Variants in KCNMA1 observed in about 807,000 individuals in gnomAD.
KCNMA1 encodes Calcium-activated potassium channel subunit alpha-1.
A neutral mutation model predicts 140.0 loss-of-function variants in KCNMA1; 29 were observed. That is an observed-to-expected ratio of 0.21 (90% CI 0.15 to 0.28). KCNMA1 has a LOEUF of 0.28. Among genes scored for constraint, KCNMA1 ranks in the 10% least tolerant of loss-of-function variants. KCNMA1 has a pLI of 1.00. For synonymous variants in KCNMA1, 612 were observed against 611.9 expected, an observed-to-expected ratio of 1.00 and a Z score of 0.00; for missense variants, 880 against 1,602.2, an observed-to-expected ratio of 0.55 and a Z score of 7.70.
At chr10:77,252,881 A>T (rs1285167093) in intron 2 of KCNMA1, among the ~76,000 whole-genome samples, 7 of 145,150 alleles carry the variant, frequency 4.8e-5, no homozygotes, top group Non-Finnish European at 7.6e-5. Flanking sequence ...TCTGCCATTT[A>T]AAAAAAAAAA....
intron 5 of KCNMA1, among the ~76,000 whole-genome samples, chr10:77,182,444 A>G (rs2098810368): frequency 6.6e-6 from 1 of 152,202 alleles, no homozygotes; most frequent in Non-Finnish European, 1.5e-5. Flanking sequence ...TTCTTATACA[A>G]ACACCACCAT....
At position 77,108,777 on chromosome 10, in the gene KCNMA1, C is replaced by G. The variant is rs1479517941; in HGVS notation, c.1132-205G>C. Among the ~76,000 whole-genome samples the G allele has an allele frequency of 1.3e-5, 2 of 151,918 alleles. No individual in the cohort carries two copies. The highest frequency in any genetic ancestry group is 1.9e-4 in the East Asian group (1 of 5,188). Reference sequence around the variant, plus strand: ...ACACAAGACAAACAAACATTGGCCACCTTGACAACTAAAGAACAAAAAAAA... The same window carrying G: ...ACACAAGACAAACAAACATTGGCCAGCTTGACAACTAAAGAACAAAAAAAA... On this transcript the variant is annotated intron_variant, in intron 8 of 27. Coordinates refer to ENST00000286628, the MANE Select transcript of KCNMA1 (RefSeq NM_001161352.2). The surrounding 1 kb of genome is among the most constrained non-coding windows in gnomAD (Gnocchi z 4.6).
At chr10:76,981,112 T>C (rs1176727698) in intron 19 of KCNMA1, among the ~76,000 whole-genome samples, 1 of 152,162 alleles carries the variant, frequency 6.6e-6, no homozygotes, top group Non-Finnish European at 1.5e-5. Flanking sequence ...TGCTGGGTCC[T>C]TCTCCACACC....
At chr10:76,951,256 C>G (rs1476254173) in intron 21 of KCNMA1, among the ~76,000 whole-genome samples, 1 of 152,132 alleles carries the variant, frequency 6.6e-6, no homozygotes, top group Non-Finnish European at 1.5e-5. Context: ...CCCAGAGAAC[C>G]TTATGAATAT....
intron 16 of KCNMA1, among the ~76,000 whole-genome samples, chr10:77,023,797 C>G (rs2093123039): frequency 6.6e-6 from 1 of 152,126 alleles, no homozygotes; most frequent in African/African-American, 2.4e-5. Flanking sequence ...TGGAGTCCCA[C>G]ACAACTAGAC....
intron 1 of KCNMA1, among the ~76,000 whole-genome samples, chr10:77,540,755 C>T (rs549618021): frequency 3.3e-5 from 5 of 152,274 alleles, no homozygotes; most frequent in African/African-American, 7.2e-5. Context: ...AATCCCAGCA[C>T]TTCGGGAGGC....
chr10:77,155,491 G>A (rs1281262707), intron 5 of KCNMA1, among the ~76,000 whole-genome samples: 3 of 152,076 alleles, frequency 2.0e-5, no homozygotes, highest in African/African-American at 4.8e-5. Context: ...ATGGAGCCGC[G>A]GTTGAAATTT....
chr10:77,599,746 C>A (rs180907963), intron 1 of KCNMA1, among the ~76,000 whole-genome samples: 3 of 152,072 alleles, frequency 2.0e-5, no homozygotes, highest in Admixed American at 1.3e-4. Context: ...TAGAGGTCTG[C>A]AAAACAAGGG....
At chr10:77,594,749 C>T (rs757184117) in intron 1 of KCNMA1, among the ~76,000 whole-genome samples, 2 of 152,250 alleles carry the variant, frequency 1.3e-5, no homozygotes, top group Non-Finnish European at 2.9e-5. Context: ...CAGCCTCCCT[C>T]CAGTTAGATG....
chr10:77,268,758 C>T (rs1444752205), intron 2 of KCNMA1, among the ~76,000 whole-genome samples: 5 of 152,128 alleles, frequency 3.3e-5, no homozygotes, highest in Non-Finnish European at 5.9e-5. Context: ...GGGAGCCCAT[C>T]GCTTATGGCT....
chr10:77,270,999 A>C (rs893511970), intron 2 of KCNMA1, among the ~76,000 whole-genome samples: 1 of 152,218 alleles, frequency 6.6e-6, no homozygotes, highest in Admixed American at 6.5e-5. Flanking sequence ...ATTAATATTA[A>C]AAATTCCTAA....
intron 19 of KCNMA1, chr10:76,977,553 GAA>G (rs1409630371): frequency 2.8e-6 from 2 of 702,790 alleles, no homozygotes; most frequent in African/African-American, 3.5e-5. Flanking sequence ...CTTTGACAGA[GAA>G]AGTTTGCTGA....
At chr10:77,280,710 G>T (rs919694943) in intron 2 of KCNMA1, among the ~76,000 whole-genome samples, 1 of 147,884 alleles carries the variant, frequency 6.8e-6, no homozygotes, top group Non-Finnish European at 1.5e-5. Context: ...TTTTTTTCAG[G>T]TATAGGCAGA....
chr10:77,216,295 T>C (rs2047765361), intron 3 of KCNMA1, among the ~76,000 whole-genome samples: 1 of 152,128 alleles, frequency 6.6e-6, no homozygotes. Context: ...TCTGTGACTA[T>C]ACTAGAAACC....
At chr10:77,292,160 A>G (rs546310552) in intron 2 of KCNMA1, among the ~76,000 whole-genome samples, 192 of 152,312 alleles carry the variant, frequency 1.3e-3, no homozygotes, top group African/African-American at 3.8e-3. Context: ...TCCTCTGGGC[A>G]GGGCAGCAGA....
chr10:77,282,676 C>T (rs1167068785), intron 2 of KCNMA1, among the ~76,000 whole-genome samples: 1 of 152,014 alleles, frequency 6.6e-6, no homozygotes, highest in East Asian at 1.9e-4. Flanking sequence ...ATCTCCCCAG[C>T]CCCCAGCCTC....
At chr10:77,260,327 G>C (rs2061690638) in intron 2 of KCNMA1, among the ~76,000 whole-genome samples, 1 of 152,140 alleles carries the variant, frequency 6.6e-6, no homozygotes, top group Non-Finnish European at 1.5e-5. Context: ...GAGAGAGGAA[G>C]GATTTGGTCG....
intron 2 of KCNMA1, among the ~76,000 whole-genome samples, chr10:77,349,874 T>C (rs1234075348): frequency 8.5e-5 from 13 of 152,202 alleles, no homozygotes; most frequent in Admixed American, 8.5e-4. Context: ...GAGTCTTATG[T>C]AGATCTATTT....
chr10:77,316,546 G>A (rs1258393919), intron 2 of KCNMA1, among the ~76,000 whole-genome samples: 1 of 152,146 alleles, frequency 6.6e-6, no homozygotes, highest in Non-Finnish European at 1.5e-5. Context: ...TCTGATTCAG[G>A]AATCTGCACC....
Sources: allele counts gnomAD v4.1 joint callset (sites outside exome capture counted in the v4.1 genomes callset), GRCh38; gene constraint gnomAD v4.1.1; non-coding constraint Gnocchi (gnomAD v3.1); transcripts MANE v1.5; gene names NCBI Gene and HGNC (gene_info 2026-07-23, HGNC 2026-07-21).